SYNPR: variants seen among roughly 807,000 people sequenced by gnomAD.
The protein encoded by SYNPR is synaptoporin.
Under a neutral mutation model 32.9 loss-of-function variants are expected in SYNPR, and 23 were observed. That is an observed-to-expected ratio of 0.70 (90% CI 0.50 to 0.99). SYNPR has a LOEUF of 0.99. Ranked by LOEUF, SYNPR falls within the 50% of genes least tolerant of loss-of-function variation. The pLI, the probability that SYNPR is intolerant of heterozygous loss-of-function variation, is 0.00. For synonymous variants in SYNPR, 146 were observed against 135.9 expected (o/e 1.07, Z -0.52); for missense variants, 318 against 349.3 (o/e 0.91, Z 0.71).
Position 63,393,475 on chromosome 3 carries a change from C to A in SYNPR, c.85-87357C>A, listed in dbSNP as rs547572634. 3.5e-5 allele frequency among the ~76,000 whole-genome samples: 5 copies of A among 143,214 alleles called. No homozygotes were observed. The South Asian group carries it at 1.1e-3, about 32-fold the overall frequency. 94.0% of individuals were successfully genotyped at this position (143,214 alleles called of 152,430 possible). A position where few individuals can be genotyped will look rare whatever the true frequency, so the allele number is the denominator to read the frequency against. ...CCTTCCTTCCTTTCTTCCTTTCCTT[C>A]CTTCCTTCTTTCTTTCTTCTCTTTT... On this transcript the variant is annotated intron_variant, in intron 2 of 5. Transcript: ENST00000478300.
intron 2 of SYNPR, among the ~76,000 whole-genome samples, chr3:63,392,120 CATTT>C (rs2088145398): frequency 6.6e-6 from 1 of 152,150 alleles, no homozygotes; most frequent in Admixed American, 6.5e-5. Context: ...TGTAACGATA[CATTT>C]ATTATAGAAA....
intron 2 of SYNPR, among the ~76,000 whole-genome samples, chr3:63,460,838 T>A (rs1238026637): frequency 6.6e-6 from 1 of 152,004 alleles, no homozygotes; most frequent in Non-Finnish European, 1.5e-5. Flanking sequence ...TGGATATAGA[T>A]GTTTGGGGGC....
intron 1 of SYNPR, among the ~76,000 whole-genome samples, chr3:63,238,572 G>A (rs1050873494): frequency 6.6e-6 from 1 of 152,086 alleles, no homozygotes; most frequent in Non-Finnish European, 1.5e-5. Context: ...GAACCTTCTT[G>A]TTAGGTTAAA....
At chr3:63,595,740 T>A (rs1220078419) in intron 4 of SYNPR, among the ~76,000 whole-genome samples, 2 of 45,412 alleles carry the variant, frequency 4.4e-5, no homozygotes, top group African/African-American at 2.1e-4. Flanking sequence ...TATATATATA[T>A]ATATATATAT....
chr3:63,575,978 A>AT (rs774295670), intron 4 of SYNPR, among the ~76,000 whole-genome samples: 132 of 152,256 alleles, frequency 8.7e-4, no homozygotes, highest in Middle Eastern at 3.4e-3. Context: ...TCCAAGTGTC[A>AT]TTTTTTTATT....
chr3:63,362,966 A>G (rs977240940), intron 2 of SYNPR, among the ~76,000 whole-genome samples: 2 of 152,220 alleles, frequency 1.3e-5, no homozygotes, highest in African/African-American at 4.8e-5. Context: ...CACCACCACT[A>G]GAATTATCCA....
intron 2 of SYNPR, among the ~76,000 whole-genome samples, chr3:63,253,338 G>C (rs981268613): frequency 6.6e-6 from 1 of 152,006 alleles, no homozygotes; most frequent in Non-Finnish European, 1.5e-5. Flanking sequence ...AGCTCTGAAG[G>C]AAACAATGTC....
intron 1 of SYNPR, among the ~76,000 whole-genome samples, chr3:63,242,921 A>G (rs78076115): frequency 1.6e-3 from 248 of 152,194 alleles, no homozygotes; most frequent in South Asian, 2.5e-3. Flanking sequence ...TGAAAATAAA[A>G]ATTATAACTC....
intron 2 of SYNPR, among the ~76,000 whole-genome samples, chr3:63,445,232 C>T (rs1700253116): frequency 6.6e-6 from 1 of 152,128 alleles, no homozygotes. Flanking sequence ...GAGGTGGCAG[C>T]ATGCATTCTG....
chr3:63,586,111 C>A (rs1307908782), intron 4 of SYNPR, among the ~76,000 whole-genome samples: 2 of 151,920 alleles, frequency 1.3e-5, no homozygotes, highest in Admixed American at 1.3e-4. Flanking sequence ...TAATTTCCTC[C>A]TTGGTATTTG....
rs755131264 is a variant in SYNPR at position 63,615,323 on chromosome 3, C to T, written c.700C>T (p.Pro234Ser). 3 of 1,613,676 alleles carry T rather than the reference C, an allele frequency of 1.9e-6. No homozygotes were observed. The highest frequency in any genetic ancestry group is 1.7e-5 in the Admixed American group (1 of 59,994). The change falls in exon 6 of 6, where the codon CCA (proline) becomes TCA (serine). Residue 234 changes from proline (P) to serine (S), a missense_variant. Physicochemically the swap from Pro to Ser is moderately conservative, Grantham distance 74. Coordinates refer to ENST00000478300, the MANE Select transcript of SYNPR (RefSeq NM_001130003.2). ...TTCGGGACAGAGATATCTTTCAGAT[C>T]CAATGGAGAAGCACTCCAGCAGCTA... is the stretch of plus-strand genomic sequence containing the variant. ...HSSGQRYLSD[P>S]MEKHSSSYNQ... is the part of the protein sequence containing the mutation.
At chr3:63,352,677 C>G (rs1278952760) in intron 2 of SYNPR, among the ~76,000 whole-genome samples, 1 of 152,056 alleles carries the variant, frequency 6.6e-6, no homozygotes, top group Non-Finnish European at 1.5e-5. Flanking sequence ...AAATAAATAC[C>G]CGAGACTGGG....
chr3:63,569,041 A>C (rs1199375524), intron 4 of SYNPR, among the ~76,000 whole-genome samples: 2 of 152,246 alleles, frequency 1.3e-5, no homozygotes, highest in Non-Finnish European at 2.9e-5. Context: ...ATCTATTCAT[A>C]GGACCAAGAA....
chr3:63,412,028 C>T (rs1255280379), intron 2 of SYNPR, among the ~76,000 whole-genome samples: 2 of 151,936 alleles, frequency 1.3e-5, no homozygotes, highest in Non-Finnish European at 2.9e-5. Context: ...GATCAGGATA[C>T]AGAACTGGCA....
At chr3:63,571,561 C>T (rs1702886884) in intron 4 of SYNPR, among the ~76,000 whole-genome samples, 1 of 151,996 alleles carries the variant, frequency 6.6e-6, no homozygotes, top group Non-Finnish European at 1.5e-5. Flanking sequence ...TTATGAATTA[C>T]CCTCAAAGAG....
Position 63,400,415 on chromosome 3 carries a change from T to C in SYNPR, c.85-80417T>C, listed in dbSNP as rs150173603. On this transcript the variant is annotated intron_variant, in intron 2 of 5. Coordinates refer to ENST00000478300, the MANE Select transcript of SYNPR (RefSeq NM_001130003.2). ...TGCAGTAACCTGAAGGACTGAGTGATTTGCTTCCAAGATGGGTTACTCACA... is the reference window on the plus strand; with the variant it reads ...TGCAGTAACCTGAAGGACTGAGTGACTTGCTTCCAAGATGGGTTACTCACA... 3.3e-5 allele frequency among the ~76,000 whole-genome samples: 5 copies of C among 152,338 alleles called. No homozygotes were observed. The East Asian group carries it at 9.7e-4, about 29-fold the overall frequency.
Position 63,480,940 on chromosome 3 carries a change from T to C in SYNPR, c.193T>C (p.Phe65Leu). 6.2e-7 allele frequency: 1 copy of C among 1,612,490 alleles called. No individual in the cohort carries two copies. The highest frequency in any genetic ancestry group is 8.5e-7 in the Non-Finnish European group (1 of 1,178,948). ...TESNLSIDIA[F>L]AYPFRLHQVT... ...AAGTAACCTCAGCATCGACATAGCG[T>C]TTGCCTACCCATTCAGGTAGGGAAT... Residue 65 changes from phenylalanine to leucine, a missense_variant, in exon 3 of 6, where the codon TTT becomes CTT. Coordinates refer to ENST00000478300, the MANE Select transcript of SYNPR (RefSeq NM_001130003.2).
Position 63,401,704 on chromosome 3 carries a change from T to C in SYNPR, c.85-79128T>C, listed in dbSNP as rs1290324873. 2.6e-5 allele frequency among the ~76,000 whole-genome samples: 4 copies of C among 152,200 alleles called. No homozygotes were observed. The East Asian group carries it at 7.7e-4, about 29-fold the overall frequency. ...ACAGAGCTATTCTCTCATGAAGAGATGGCATATACCTGGTACTGTGCCTGT... is the reference window on the plus strand; with the variant it reads ...ACAGAGCTATTCTCTCATGAAGAGACGGCATATACCTGGTACTGTGCCTGT... On this transcript the variant is annotated intron_variant, in intron 2 of 5. Coordinates refer to ENST00000478300, the MANE Select transcript of SYNPR (RefSeq NM_001130003.2).
At chr3:63,261,107 C>T (rs190322551) in intron 2 of SYNPR, among the ~76,000 whole-genome samples, 2 of 152,210 alleles carry the variant, frequency 1.3e-5, no homozygotes, top group East Asian at 3.9e-4. Flanking sequence ...AACACTTTTA[C>T]ACTGTTGGTG....
Sources: gnomAD v4.1 joint callset for allele counts (sites outside exome capture counted in the v4.1 genomes callset) on GRCh38, gnomAD v4.1.1 for gene constraint, MANE v1.5 for transcripts, NCBI Gene and HGNC (gene_info 2026-07-23, HGNC 2026-07-21) for gene names.